CATSPERE: variants seen among roughly 807,000 people sequenced by gnomAD.
The protein encoded by CATSPERE is catsper channel auxiliary subunit epsilon.
CATSPERE carries 93 observed loss-of-function variants against 114.1 expected under a neutral mutation model. The ratio of observed to expected loss-of-function variants is 0.81; its 90% CI spans 0.69 to 0.97. CATSPERE has a LOEUF of 0.97. CATSPERE is among the 50% of genes least tolerant of loss of function. The pLI is 0.00. For synonymous variants in CATSPERE, 341 were observed against 384.1 expected (o/e 0.89, Z 1.31); for missense variants, 1,058 against 1,131.6 (o/e 0.93, Z 0.93).
chr1:244,638,830 T>C (rs1674975486), intron 21 of CATSPERE, among the ~76,000 whole-genome samples: 1 of 152,266 alleles, frequency 6.6e-6, no homozygotes, highest in Non-Finnish European at 1.5e-5. Context: ...ACATGTATCT[T>C]AGATATATCC....
Position 244,512,022 on chromosome 1 carries a change from CT to C in CATSPERE, c.430-6564del, listed in dbSNP as rs375675567. Among the ~76,000 whole-genome samples the C allele has an allele frequency of 7.2e-3, 1,097 of 152,172 alleles. 14 individuals are homozygous for C. The highest frequency in any genetic ancestry group is 0.025 in the African/African-American group (1,022 of 41,510). On this transcript the variant is annotated intron_variant, in intron 7 of 21. Coordinates refer to ENST00000366534, the MANE Select transcript of CATSPERE (RefSeq NM_001130957.2). Reference sequence around the variant, plus strand: ...GAAATTCATGTACCTTGGAGAAAACCTTTTTTGGGTTAAATCTATTTGGAGA... The same window carrying C: ...GAAATTCATGTACCTTGGAGAAAACCTTTTTGGGTTAAATCTATTTGGAGA...
upstream of CATSPERE, among the ~76,000 whole-genome samples, chr1:244,458,599 C>G (rs906802094): frequency 6.6e-6 from 1 of 152,204 alleles, no homozygotes; most frequent in Non-Finnish European, 1.5e-5. Flanking sequence ...CTTTTGTTTT[C>G]AGAGTCGAGA....
At chr1:244,586,485 G>A (rs1007594895) in intron 13 of CATSPERE, among the ~76,000 whole-genome samples, 3 of 152,202 alleles carry the variant, frequency 2.0e-5, no homozygotes, top group African/African-American at 7.2e-5. Flanking sequence ...GGTGGCTGGT[G>A]AGGACTGTGG....
chr1:244,606,121 T>G (rs977150279), intron 18 of CATSPERE, among the ~76,000 whole-genome samples: 1 of 152,250 alleles, frequency 6.6e-6, no homozygotes, highest in Non-Finnish European at 1.5e-5. Flanking sequence ...TTATCACTTG[T>G]GCACTAAGTC....
intron 7 of CATSPERE, among the ~76,000 whole-genome samples, chr1:244,518,187 C>G (rs1292128889): frequency 6.6e-6 from 1 of 152,130 alleles, no homozygotes; most frequent in African/African-American, 2.4e-5. Flanking sequence ...CCCCAGGTAT[C>G]GTTTGAAACC....
At chr1:244,581,889 C>G (rs1467633663) in intron 12 of CATSPERE, 35 bp downstream of exon 12, 8 of 933,512 alleles carry the variant, frequency 8.6e-6, no homozygotes, top group Non-Finnish European at 1.3e-5. Context: ...TTCTCAGTAT[C>G]AAATATGCTA....
At chr1:244,630,107 A>T (rs1673735616) in intron 20 of CATSPERE, among the ~76,000 whole-genome samples, 1 of 152,156 alleles carries the variant, frequency 6.6e-6, no homozygotes. Context: ...GCAAGAAGGG[A>T]GGTGGACTAC....
intron 20 of CATSPERE, among the ~76,000 whole-genome samples, chr1:244,625,618 G>A (rs910941979): frequency 2.7e-5 from 4 of 147,038 alleles, no homozygotes; most frequent in East Asian, 4.0e-4. Flanking sequence ...TAGTAGAGAC[G>A]GGGTTTCACC....
At position 244,617,543 on chromosome 1, in the gene CATSPERE, T is replaced by A; in HGVS notation, c.2505T>A (p.Cys835Ter). The A allele has an allele frequency of 1.3e-6, 2 of 1,520,228 alleles. No homozygotes were observed. Among genetic ancestry groups the A allele is most frequent in the Non-Finnish European group, 1.8e-6 (2 of 1,138,366 alleles). The allele number at this position is 1,520,228 out of a possible 1,614,324, so 94.2% of individuals were successfully genotyped here. Residue 835 changes from cysteine (C) to a stop codon, truncating the protein, a stop_gained, in exon 20 of 22, where the codon TGT becomes TGA. Coordinates refer to ENST00000366534, the MANE Select transcript of CATSPERE (RefSeq NM_001130957.2). LOFTEE classifies it high-confidence loss of function. ...EVWGPENYKH[C>*]FSYAIGKPGD... is the part of the protein sequence containing the mutation. ...TTCTTGTTCAGAACTATAAACACTG[T>A]TTTTCTTATGCTATTGGAAAACCAG...
At chr1:244,483,632 A>T (rs930659552) in intron 5 of CATSPERE, among the ~76,000 whole-genome samples, 1 of 152,082 alleles carries the variant, frequency 6.6e-6, no homozygotes, top group Non-Finnish European at 1.5e-5. Context: ...TTCCTATTCA[A>T]TAAGTATTTT....
intron 2 of CATSPERE, among the ~76,000 whole-genome samples, chr1:244,474,760 C>T (rs1197048988): frequency 4.0e-5 from 5 of 124,700 alleles, no homozygotes; most frequent in Admixed American, 1.8e-4. Flanking sequence ...TTTTTGGAGA[C>T]AGGGTTTTGG....
chr1:244,622,602 C>T (rs1007234487), intron 20 of CATSPERE, among the ~76,000 whole-genome samples: 3 of 152,012 alleles, frequency 2.0e-5, no homozygotes, highest in African/African-American at 7.2e-5. Flanking sequence ...CAGGGTTTCG[C>T]CATGTTGGCC....
chr1:244,497,441 C>A (rs1201957553), intron 6 of CATSPERE, among the ~76,000 whole-genome samples: 2 of 152,030 alleles, frequency 1.3e-5, no homozygotes, highest in African/African-American at 4.8e-5. Context: ...CCAAGTGGAA[C>A]TTGAACATAT....
rs114315773 is a variant in CATSPERE, at chr1:244,471,396, T to G, written c.115-6145T>G. Among the ~76,000 whole-genome samples the G allele has an allele frequency of 6.0e-3, 911 of 152,330 alleles. 9 individuals carry two copies. Among genetic ancestry groups the G allele is most frequent in the African/African-American group, 0.021 (875 of 41,568 alleles). On this transcript the variant is annotated intron_variant, in intron 2 of 21. Transcript: ENST00000366534. ...TAAAAGGCAAATTAATTGAGGTAATTACATACAATGAAATTTACTCCTTTT... is the reference window on the plus strand; with the variant it reads ...TAAAAGGCAAATTAATTGAGGTAATGACATACAATGAAATTTACTCCTTTT...
chr1:244,481,903 G>T (rs1019033750), intron 5 of CATSPERE, among the ~76,000 whole-genome samples: 5 of 152,184 alleles, frequency 3.3e-5, no homozygotes, highest in African/African-American at 1.2e-4. Flanking sequence ...TGTTATAGCA[G>T]CCCAAACTAG....
chr1:244,578,884 T>C (rs1665739059), intron 11 of CATSPERE, among the ~76,000 whole-genome samples: 1 of 149,254 alleles, frequency 6.7e-6, no homozygotes, highest in South Asian at 2.1e-4. Flanking sequence ...TCAACATTTT[T>C]TTTCATTTCT....
At chr1:244,531,630 T>C (rs553707940) in intron 8 of CATSPERE, among the ~76,000 whole-genome samples, 94 of 152,202 alleles carry the variant, frequency 6.2e-4, no homozygotes, top group Non-Finnish European at 1.2e-3. Context: ...ATGTATCACA[T>C]TGGTTGATTT....
chr1:244,463,864 A>G, intron 1 of CATSPERE, 44 bp from the exon 2 acceptor site: 7 of 1,469,628 alleles, frequency 4.8e-6, no homozygotes, highest in Non-Finnish European at 6.7e-6. Flanking sequence ...ATATTTGAAG[A>G]ATAAATTAGT....
chr1:244,519,658 G>T (rs1677206080), intron 8 of CATSPERE, among the ~76,000 whole-genome samples: 1 of 152,188 alleles, frequency 6.6e-6, no homozygotes, highest in Admixed American at 6.5e-5. Context: ...GTAGGCTCCT[G>T]CCTTGAGCCC....
Sources: allele counts gnomAD v4.1 joint callset (sites outside exome capture counted in the v4.1 genomes callset), GRCh38; gene constraint gnomAD v4.1.1; transcripts MANE v1.5; gene names NCBI Gene and HGNC (gene_info 2026-07-23, HGNC 2026-07-21).